Variants in ANKRD28 observed in about 807,000 individuals in gnomAD.
ANKRD28 encodes ankyrin repeat domain 28.
In ANKRD28, 44 loss-of-function variants were observed where a neutral mutation model predicts 126.5. The ratio of observed to expected loss-of-function variants is 0.35; its 90% CI spans 0.27 to 0.45. The LOEUF is 0.45. Ranked by LOEUF, ANKRD28 falls within the 20% of genes least tolerant of loss-of-function variation. The probability of loss-of-function intolerance (pLI) is 1.00; values close to 1 mark genes in which losing one functional copy is unlikely to be tolerated. For synonymous variants in ANKRD28, 442 were observed against 468.5 expected, an observed-to-expected ratio of 0.94 and a Z score of 0.73; for missense variants, 1,110 against 1,316.6, an observed-to-expected ratio of 0.84 and a Z score of 2.43.
intron 3 of ANKRD28, among the ~76,000 whole-genome samples, chr3:15,762,121 G>C (rs940905178): frequency 2.1e-5 from 3 of 145,574 alleles, no homozygotes; most frequent in Admixed American, 7.0e-5. Flanking sequence ...GGTAGGTGGA[G>C]GTTGCAGTAA....
chr3:15,680,306 G>A (rs1407451225), intron 21 of ANKRD28, among the ~76,000 whole-genome samples: 5 of 152,082 alleles, frequency 3.3e-5, no homozygotes, highest in Non-Finnish European at 2.9e-5. Flanking sequence ...CTGGGTTCAA[G>A]TGATTCTCCT....
chr3:15,767,137 C>T (rs2058776775), intron 2 of ANKRD28, among the ~76,000 whole-genome samples: 1 of 152,090 alleles, frequency 6.6e-6, no homozygotes, highest in African/African-American at 2.4e-5. Context: ...CCAAATCTTC[C>T]TCCAGGAAAA....
At chr3:15,746,331 T>C (rs2057474945) in intron 4 of ANKRD28, among the ~76,000 whole-genome samples, 1 of 152,220 alleles carries the variant, frequency 6.6e-6, no homozygotes, top group East Asian at 1.9e-4. Flanking sequence ...TTCAGTAAAA[T>C]GCTGGATGCG....
chr3:15,709,406 G>A (rs539832019), intron 13 of ANKRD28, among the ~76,000 whole-genome samples: 2 of 152,040 alleles, frequency 1.3e-5, no homozygotes, highest in African/African-American at 2.4e-5. Context: ...ATTTTTGGAG[G>A]GGGGGAAGTG....
chr3:15,672,847 C>T (rs1277320756), intron 27 of ANKRD28, among the ~76,000 whole-genome samples: 1 of 152,236 alleles, frequency 6.6e-6, no homozygotes. Context: ...ATGATCTCGG[C>T]TCACTGCAAC....
In ANKRD28 at chr3:15,830,428, AGAG is replaced by A. The variant is rs141693039; in HGVS notation, c.27+28946_27+28948del. ...TACCACCTCAACTCTGACTCCTGTC[AGAG>A]TAGCGCAGCATTAGATTCTCATAGG... On this transcript the variant is annotated intron_variant, in intron 1 of 27. Transcript: ENST00000399451. The surrounding 1 kb of genome is among the most constrained non-coding windows in gnomAD (Gnocchi z 4.5). Among the ~76,000 whole-genome samples, 3,678 of 152,188 alleles carry A rather than the reference AGAG, an allele frequency of 0.024. 156 individuals carry two copies. Among genetic ancestry groups the A allele is most frequent in the African/African-American group, 0.081 (3,375 of 41,510 alleles).
intron 1 of ANKRD28, among the ~76,000 whole-genome samples, chr3:15,809,444 C>T (rs2060661229): frequency 1.3e-5 from 2 of 152,198 alleles, no homozygotes; most frequent in Non-Finnish European, 2.9e-5. Context: ...CTACCCACCC[C>T]TAACAACATG....
At chr3:15,713,279 T>C (rs935171015) in intron 10 of ANKRD28, among the ~76,000 whole-genome samples, 2 of 152,180 alleles carry the variant, frequency 1.3e-5, no homozygotes, top group Non-Finnish European at 2.9e-5. Flanking sequence ...ACAGCTCTGA[T>C]CAAAACTGCG....
intron 14 of ANKRD28, among the ~76,000 whole-genome samples, chr3:15,701,709 T>G (rs1025699101): frequency 5.9e-5 from 9 of 152,168 alleles, no homozygotes; most frequent in African/African-American, 2.2e-4. Context: ...GATAAAGAAA[T>G]AAAATAAAAC....
At chr3:15,832,999 T>A (rs2061238435) in intron 1 of ANKRD28, among the ~76,000 whole-genome samples, 1 of 152,198 alleles carries the variant, frequency 6.6e-6, no homozygotes, top group South Asian at 2.1e-4. Context: ...TTGAGAAATC[T>A]CCATACTATT....
intron 3 of ANKRD28, among the ~76,000 whole-genome samples, chr3:15,756,157 T>C (rs972024886): frequency 6.6e-6 from 1 of 152,242 alleles, no homozygotes; most frequent in Non-Finnish European, 1.5e-5. Flanking sequence ...CTCACACATA[T>C]ATCTGAATTT....
chr3:15,755,389 A>G lies in ANKRD28; in HGVS notation c.281-3569T>C, dbSNP rs144137251. Among the ~76,000 whole-genome samples the G allele has an allele frequency of 1.6e-3, 240 of 152,334 alleles. 3 individuals are homozygous for G. Among genetic ancestry groups the G allele is most frequent in the Admixed American group, 5.4e-3 (82 of 15,302 alleles). ...TTCCTGTAAAATGAAAAAGAGTGTAAAAGCAACAAACATAGCAGCACATTT... is the reference window on the plus strand; with the variant it reads ...TTCCTGTAAAATGAAAAAGAGTGTAGAAGCAACAAACATAGCAGCACATTT... On this transcript the variant is annotated intron_variant, in intron 3 of 27. Transcript: ENST00000683139.
At chr3:15,735,090 T>C (rs1046309539) in intron 6 of ANKRD28, among the ~76,000 whole-genome samples, 1 of 152,220 alleles carries the variant, frequency 6.6e-6, no homozygotes, top group Non-Finnish European at 1.5e-5. Flanking sequence ...TTTTACCTTA[T>C]ATTCTCATAC....
At chr3:15,725,950 C>T (rs376818912) in intron 6 of ANKRD28, among the ~76,000 whole-genome samples, 2 of 151,972 alleles carry the variant, frequency 1.3e-5, no homozygotes, top group African/African-American at 2.4e-5. Flanking sequence ...GGCTGAGGCC[C>T]GAAAATCACT....
intron 21 of ANKRD28, chr3:15,683,911 AC>A (rs750788927): frequency 6.6e-6 from 1 of 152,232 alleles, no homozygotes; most frequent in Non-Finnish European, 1.5e-5. Context: ...TGATTTTACA[AC>A]AGATATTATA....
At chr3:15,850,772 AG>A (rs1310274434) in intron 1 of ANKRD28, among the ~76,000 whole-genome samples, 3 of 152,202 alleles carry the variant, frequency 2.0e-5, no homozygotes, top group Admixed American at 2.0e-4. Context: ...AGTAAAAATA[AG>A]GTTTTCCCTG....
At chr3:15,749,107 T>G (rs1232262441) in intron 4 of ANKRD28, among the ~76,000 whole-genome samples, 14 of 132,460 alleles carry the variant, frequency 1.1e-4, no homozygotes, top group African/African-American at 3.3e-4. Context: ...TTTTGTTTTT[T>G]TTTTTTTTTT....
intron 17 of ANKRD28, among the ~76,000 whole-genome samples, chr3:15,690,923 T>G (rs114166623): frequency 6.6e-6 from 1 of 152,166 alleles, no homozygotes; most frequent in East Asian, 1.9e-4. Flanking sequence ...CAAAGACAGC[T>G]AGCAACTTGA....
rs959813105 is a variant in ANKRD28 at position 15,804,603 on chromosome 3, G to A, written c.28-9297C>T. Among the ~76,000 whole-genome samples the A allele has an allele frequency of 6.9e-5, 10 of 145,494 alleles. 2 individuals carry two copies. Among genetic ancestry groups the A allele is most frequent in the African/African-American group, 2.3e-4 (9 of 38,968 alleles). ...GAGCAGTTAAAAGCAATGGCTCACG[G>A]TGTCCAGGATAGATAAGAACAAACA... On this transcript the variant is annotated intron_variant, in intron 1 of 27. Coordinates refer to the ANKRD28 transcript ENST00000399451.
Sources: allele counts gnomAD v4.1 joint callset (sites outside exome capture counted in the v4.1 genomes callset), GRCh38; gene constraint gnomAD v4.1.1; non-coding constraint Gnocchi (gnomAD v3.1); transcripts MANE v1.5; gene names NCBI Gene and HGNC (gene_info 2026-07-23, HGNC 2026-07-21).